Variants in DLG2 observed in about 807,000 individuals in gnomAD.
The protein encoded by DLG2 is discs large MAGUK scaffold protein 2.
In DLG2, 45 loss-of-function variants were observed where a neutral mutation model predicts 132.5. That is an observed-to-expected ratio of 0.34 (90% CI 0.27 to 0.44). DLG2 has a LOEUF of 0.44. DLG2 is among the 20% of genes least tolerant of loss of function. The pLI, the probability that DLG2 is intolerant of heterozygous loss-of-function variation, is 1.00. For missense variants in DLG2, 1,045 were observed against 1,196.9 expected (o/e 0.87, Z 1.87); for synonymous variants, 424 against 419.6 (o/e 1.01, Z -0.13).
At chr11:85,496,067 C>G (rs940713638) in intron 3 of DLG2, among the ~76,000 whole-genome samples, 2 of 152,156 alleles carry the variant, frequency 1.3e-5, no homozygotes, top group African/African-American at 4.8e-5. Flanking sequence ...GGGTGCAGCC[C>G]ACAGAGGGCG....
chr11:84,508,454 G>C (rs1726440934), intron 7 of DLG2, among the ~76,000 whole-genome samples: 1 of 148,414 alleles, frequency 6.7e-6, no homozygotes, highest in African/African-American at 2.5e-5. Flanking sequence ...CCAGGCTGGA[G>C]TGCAGTGGCG....
intron 16 of DLG2, among the ~76,000 whole-genome samples, chr11:83,872,927 CA>C (rs1223442540): frequency 2.0e-5 from 3 of 152,190 alleles, no homozygotes; most frequent in Admixed American, 6.5e-5. Context: ...ATAGTATGCA[CA>C]TGGACCTCTA....
chr11:85,260,559 T>C (rs2076887461), intron 4 of DLG2, among the ~76,000 whole-genome samples: 1 of 152,194 alleles, frequency 6.6e-6, no homozygotes, highest in Non-Finnish European at 1.5e-5. Flanking sequence ...AACTCATTCA[T>C]TCATTAAATA....
At chr11:84,450,551 C>T (rs2099048776) in intron 7 of DLG2, among the ~76,000 whole-genome samples, 1 of 151,100 alleles carries the variant, frequency 6.6e-6, no homozygotes, top group African/African-American at 2.4e-5. Flanking sequence ...TCATGACAAA[C>T]ATGGTCAGAT....
intron 8 of DLG2, among the ~76,000 whole-genome samples, chr11:84,212,024 T>G (rs966514088): frequency 1.3e-5 from 2 of 152,200 alleles, no homozygotes; most frequent in African/African-American, 4.8e-5. Flanking sequence ...GACGCTGGTT[T>G]CATTATGAAA....
At chr11:85,338,228 A>G (rs1274100332) in intron 3 of DLG2, among the ~76,000 whole-genome samples, 2 of 152,212 alleles carry the variant, frequency 1.3e-5, no homozygotes, top group East Asian at 1.9e-4. Flanking sequence ...AAAAAGGAGT[A>G]TTCTGTAAGA....
At chr11:83,699,937 G>GCACACACA (rs140957816) in intron 18 of DLG2, among the ~76,000 whole-genome samples, 1,506 of 142,334 alleles carry the variant, frequency 0.011, 13 homozygotes, top group African/African-American at 0.024. Flanking sequence ...CACCACACAT[G>GCACACACA]CACACACACA....
intron 6 of DLG2, among the ~76,000 whole-genome samples, chr11:84,735,824 T>C (rs1413284817): frequency 5.9e-5 from 9 of 152,034 alleles, no homozygotes. Context: ...CTATATTAGA[T>C]ATATGTTGCA....
intron 6 of DLG2, among the ~76,000 whole-genome samples, chr11:84,780,694 A>G (rs1473303622): frequency 1.3e-5 from 2 of 152,028 alleles, no homozygotes; most frequent in Admixed American, 1.3e-4. Context: ...TTGTGGTTAT[A>G]ATTTTCTCTT....
At chr11:83,665,551 A>G (rs604787) in intron 18 of DLG2, among the ~76,000 whole-genome samples, 68,419 of 152,114 alleles carry the variant, frequency 0.45, 17,025 homozygotes, top group African/African-American at 0.67. Flanking sequence ...TTCAACAGAT[A>G]TTGTGATTCA....
chr11:84,697,933 T>G (rs1283901711), intron 6 of DLG2, among the ~76,000 whole-genome samples: 1 of 151,498 alleles, frequency 6.6e-6, no homozygotes, highest in Non-Finnish European at 1.5e-5. Context: ...TGTTTAGTCA[T>G]GACACCTTTT....
At chr11:84,634,001 C>T (rs1227026204) in intron 6 of DLG2, among the ~76,000 whole-genome samples, 1 of 152,106 alleles carries the variant, frequency 6.6e-6, no homozygotes. Flanking sequence ...TAGCCATATT[C>T]TTTAAAGAAA....
At chr11:84,196,519 G>A (rs1215772107) in intron 8 of DLG2, among the ~76,000 whole-genome samples, 3 of 152,212 alleles carry the variant, frequency 2.0e-5, no homozygotes, top group African/African-American at 4.8e-5. Flanking sequence ...CAGGGAATGA[G>A]ATGCAGGGTA....
intron 6 of DLG2, among the ~76,000 whole-genome samples, chr11:84,616,581 A>G (rs2099604788): frequency 6.6e-6 from 1 of 152,174 alleles, no homozygotes; most frequent in Non-Finnish European, 1.5e-5. Context: ...TAAAATGAAA[A>G]GAGTCCTAAA....
intron 7 of DLG2, among the ~76,000 whole-genome samples, chr11:84,287,793 G>C (rs528232248): frequency 2.1e-5 from 3 of 139,710 alleles, no homozygotes; most frequent in African/African-American, 8.1e-5. Context: ...TACTTTATTC[G>C]TCTATTTCAT....
Position 84,214,254 on chromosome 11 carries a change from TATATATGAATATATATACAC to T in DLG2, c.573+36964_573+36983del, listed in dbSNP as rs1274865907. Among the ~76,000 whole-genome samples, 153 of 142,940 alleles carry T rather than the reference TATATATGAATATATATACAC, an allele frequency of 1.1e-3. 2 individuals carry two copies. Among genetic ancestry groups the T allele is most frequent in the African/African-American group, 3.7e-3 (133 of 35,994 alleles). The allele number at this position is 142,940 out of a possible 152,430, so 93.8% of individuals were successfully genotyped here. A position where few individuals can be genotyped will look rare whatever the true frequency, so the allele number is the denominator to read the frequency against. On this transcript the variant is annotated intron_variant, in intron 8 of 27. Transcript: ENST00000376104. ...ACATATATATGAATATATATATACA[TATATATGAATATATATACAC>T]ATATATGAATATATATATGAGAGAA...
rs7925648 is a variant in DLG2 at position 84,335,057 on chromosome 11, T to C, written c.520-83766A>G. 2.3e-3 allele frequency among the ~76,000 whole-genome samples: 353 copies of C among 151,468 alleles called. 3 individuals carry two copies. Among genetic ancestry groups the C allele is most frequent in the African/African-American group, 8.1e-3 (333 of 41,326 alleles). ...CTCAAAAATATATGATTTAATACTA[T>C]TTAAAAACTGATGCCATCCAGAACT... On this transcript the variant is annotated intron_variant, in intron 7 of 27. Transcript: ENST00000376104.
At chr11:85,139,348 G>A (rs1043940930) in intron 5 of DLG2, among the ~76,000 whole-genome samples, 16 of 152,040 alleles carry the variant, frequency 1.1e-4, no homozygotes, top group Admixed American at 1.1e-3. Flanking sequence ...TCTTTAAAAA[G>A]TATATGGCTA....
At chr11:84,600,254 A>AGCAG (rs2099573996) in intron 6 of DLG2, among the ~76,000 whole-genome samples, 1 of 141,998 alleles carries the variant, frequency 7.0e-6, no homozygotes, top group South Asian at 2.3e-4. Context: ...CAAGCAAGCA[A>AGCAG]GCAGGCAGGC....
Sources: allele counts gnomAD v4.1 joint callset (sites outside exome capture counted in the v4.1 genomes callset), GRCh38; gene constraint gnomAD v4.1.1; transcripts MANE v1.5; gene names NCBI Gene and HGNC (gene_info 2026-07-23, HGNC 2026-07-21).